The following PPOX variants were observed in gnomAD, a reference collection of about 807,000 sequenced individuals.
PPOX encodes the protein variegate porphyria.
PPOX carries 23 observed loss-of-function variants against 54.1 expected under a neutral mutation model. That is an observed-to-expected ratio of 0.43 (90% confidence interval 0.31 to 0.60). PPOX has a LOEUF of 0.60. PPOX is among the 20% of genes least tolerant of loss of function. PPOX has a pLI of 0.13. For synonymous variants in PPOX, 224 were observed against 236.1 expected (o/e 0.95, Z 0.47); for missense variants, 512 against 601.1 (o/e 0.85, Z 1.55).
At chr1:161,177,171 T>C, downstream of PPOX, 1 of 1,192,760 alleles carries the variant, frequency 8.4e-7, no homozygotes, top group Non-Finnish European at 1.2e-6. Flanking sequence ...AGGGCTCACC[T>C]AGAGGGGCGT....
At chr1:161,173,682 A>G (rs1377130798), downstream of PPOX, 3 of 1,614,080 alleles carry the variant, frequency 1.9e-6, no homozygotes, top group Non-Finnish European at 2.5e-6. Context: ...GGTACTGGTC[A>G]GGAGTAAGTG....
chr1:161,170,320 G>GGGGGGGGGGGCCCC, intron 9 of PPOX, 89 bp from the exon 10 acceptor site: 3 of 494,780 alleles, frequency 6.1e-6, no homozygotes, highest in Non-Finnish European at 7.9e-6. Flanking sequence ...GTGAGACTCT[G>GGGGGGGGGGGCCCC]TCCCCCCCAC....
intron 9 of PPOX, 89 bp from the exon 10 acceptor site, chr1:161,170,320 G>GGGGGGCCCC: frequency 2.0e-6 from 1 of 494,790 alleles, no homozygotes; most frequent in East Asian, 5.4e-5. Flanking sequence ...GTGAGACTCT[G>GGGGGGCCCC]TCCCCCCCAC....
upstream of PPOX, chr1:161,166,230 T>C (rs1028227108): frequency 1.0e-6 from 1 of 966,298 alleles, no homozygotes; most frequent in Non-Finnish European, 1.2e-6. Context: ...GCCTCGGTCC[T>C]GAGGAGGGCA....
In PPOX at chr1:161,167,148, G is replaced by C; in HGVS notation, c.136G>C (p.Val46Leu). The change falls in exon 3 of 13, where the codon GTT becomes CTT. Residue 46 changes from valine to leucine, a missense_variant. Val to Leu is a conservative substitution (Grantham distance 32, BLOSUM62 1). Coordinates refer to ENST00000367999, the MANE Select transcript of PPOX (RefSeq NM_001122764.3). Reference sequence around the variant, plus strand: ...GCGTCTGGGAGGCTGGATTCGCTCCGTTCGAGGCCCTAATGGTGCTATCTT... The same window carrying C: ...GCGTCTGGGAGGCTGGATTCGCTCCCTTCGAGGCCCTAATGGTGCTATCTT... ...SERLGGWIRS[V>L]RGPNGAIFEL... 1.2e-6 allele frequency: 2 copies of C among 1,614,154 alleles called. No individual in the cohort carries two copies. Among genetic ancestry groups the C allele is most frequent in the Non-Finnish European group, 1.7e-6 (2 of 1,180,034 alleles).
chr1:161,170,355 GAC>G (rs1660857160), intron 9 of PPOX, 52 bp from the exon 10 acceptor site: 2 of 1,079,012 alleles, frequency 1.9e-6, no homozygotes, highest in Non-Finnish European at 2.7e-6. Context: ...GGGAAGGAGA[GAC>G]AGCCTCAGCT....
chr1:161,171,910 T>C, downstream of PPOX: 1 of 1,614,142 alleles, frequency 6.2e-7, no homozygotes, highest in Non-Finnish European at 8.5e-7. Flanking sequence ...ACGGAAGGCT[T>C]GGGAGGAACC....
chr1:161,167,261 G>A (rs1186572505), intron 3 of PPOX, 27 bp downstream of exon 3: 21 of 1,614,058 alleles, frequency 1.3e-5, no homozygotes, highest in Non-Finnish European at 1.5e-5. Context: ...ATGTCTAGGA[G>A]AGGTTGTGGA....
rs1285489087 is a variant in PPOX at position 161,169,919 on chromosome 1, G to A, written c.882G>A (p.Leu294=). ...CCTGATCTCTAGTGCTCAGTGAGCTGCTCCCTGCTGAGGCTGCCCCTCTGG... is the reference window on the plus strand; with the variant it reads ...CCTGATCTCTAGTGCTCAGTGAGCTACTCCCTGCTGAGGCTGCCCCTCTGG... ...SAIPASVLSE[L]LPAEAAPLAR... Residue 294 remains leucine, a synonymous_variant, in exon 9 of 13, where the codon CTG becomes CTA. Coordinates refer to ENST00000367999, the MANE Select transcript of PPOX (RefSeq NM_001122764.3). 6.2e-6 allele frequency: 10 copies of A among 1,614,082 alleles called. No homozygotes were observed. The highest frequency in any genetic ancestry group is 1.6e-4 in the Middle Eastern group (1 of 6,084).
chr1:161,175,670 A>C (rs1571520110), downstream of PPOX: 1 of 1,315,626 alleles, frequency 7.6e-7, no homozygotes, highest in Non-Finnish European at 1.1e-6. Flanking sequence ...CTCTATCTCA[A>C]CCTCAGCCTA....
chr1:161,168,013 A>G lies in PPOX; in HGVS notation c.357A>G (p.Ser119=). Residue 119 remains serine (S), a synonymous_variant, in exon 5 of 13, where the codon TCA becomes TCG. Coordinates refer to ENST00000367999, the MANE Select transcript of PPOX (RefSeq NM_001122764.3). Reference sequence around the variant, plus strand: ...CATGCAGGGGGCTACTCCGCCCTTCACCCCCCTTCTCCAAACCTCTGTTTT... The same window carrying G: ...CATGCAGGGGGCTACTCCGCCCTTCGCCCCCCTTCTCCAAACCTCTGTTTT... The part of the protein sequence containing the change: ...PTGLRGLLRP[S]PPFSKPLFWA... 2.5e-6 allele frequency: 4 copies of G among 1,613,240 alleles called. No homozygotes were observed. The highest frequency in any genetic ancestry group is 3.4e-6 in the Non-Finnish European group (4 of 1,179,830).
At chr1:161,173,852 C>A (rs1463362240), downstream of PPOX, 1 of 1,613,130 alleles carries the variant, frequency 6.2e-7, no homozygotes, top group Non-Finnish European at 8.5e-7. Context: ...CCTTCCATGC[C>A]CTCTACCTGT....
At chr1:161,176,161 A>G, downstream of PPOX, 1 of 1,403,690 alleles carries the variant, frequency 7.1e-7, no homozygotes, top group Non-Finnish European at 9.7e-7. Context: ...AGGTGATGCC[A>G]GGGGTAAAGA....
At chr1:161,176,172 G>A, downstream of PPOX, 2 of 1,342,176 alleles carry the variant, frequency 1.5e-6, no homozygotes, top group African/African-American at 1.5e-5. Flanking sequence ...GGGGTAAAGA[G>A]GAAAAAGCAG....
At chr1:161,170,278 T>C in intron 9 of PPOX, 131 bp from the exon 10 acceptor site, 1 of 887,786 alleles carries the variant, frequency 1.1e-6, no homozygotes. Flanking sequence ...TGAGCTGAGA[T>C]CTCGCCATTA....
chr1:161,166,781 G>C (rs1283777168), intron 1 of PPOX, 59 bp from the exon 2 acceptor site: 1 of 1,600,938 alleles, frequency 6.2e-7, no homozygotes, highest in Non-Finnish European at 8.5e-7. Context: ...AAACCGGCGG[G>C]GCTTCTGGAG....
chr1:161,166,921 C>T lies in PPOX; in HGVS notation c.74C>T (p.Pro25Leu). ...GCCAGTTACCACCTGAGCCGGGCCC[C>T]CTGCCCCCCTAAGGTGAGTGCTCCA... Reference protein sequence around the residue: ...LAASYHLSRAPCPPKVVLVES... With the variant: ...LAASYHLSRALCPPKVVLVES... The change falls in exon 2 of 13, where the codon CCC becomes CTC. Residue 25 changes from proline to leucine, a missense_variant. Physicochemically the swap from Pro to Leu is moderately conservative, Grantham distance 98 (BLOSUM62 -3). Transcript: ENST00000367999. 1 of 1,613,964 alleles carries T rather than the reference C, an allele frequency of 6.2e-7. No homozygotes were observed. The highest frequency in any genetic ancestry group is 8.5e-7 in the Non-Finnish European group (1 of 1,180,016).
intron 6 of PPOX, among the ~76,000 whole-genome samples, 181 bp from the exon 7 acceptor site, chr1:161,168,812 G>A (rs1660059240): frequency 6.6e-6 from 1 of 152,088 alleles, no homozygotes; most frequent in African/African-American, 2.4e-5. Flanking sequence ...ACAAACATGT[G>A]CCACCACTCC....
In PPOX at chr1:161,170,410, G is replaced by C. The variant is rs1011625612; in HGVS notation, c.989G>C (p.Gly330Ala). 1 of 1,608,984 alleles carries C rather than the reference G, an allele frequency of 6.2e-7. No individual in the cohort carries two copies. The highest frequency in any genetic ancestry group is 8.5e-7 in the Non-Finnish European group (1 of 1,177,580). The change falls in exon 10 of 13, where the codon GGA becomes GCA. Residue 330 changes from glycine (G) to alanine (A), a missense_variant and splice_region_variant. Coordinates refer to ENST00000367999, the MANE Select transcript of PPOX (RefSeq NM_001122764.3). Reference protein sequence around the residue: ...QYQGAHLPVQGFGHLVPSSED... With the variant: ...QYQGAHLPVQAFGHLVPSSED... ...ACGCATGAATGTCCTTCTCTCCAGGGATTTGGACATTTGGTGCCATCTTCA... is the reference window on the plus strand; with the variant it reads ...ACGCATGAATGTCCTTCTCTCCAGGCATTTGGACATTTGGTGCCATCTTCA...
Sources: gnomAD v4.1 joint callset for allele counts (sites outside exome capture counted in the v4.1 genomes callset) on GRCh38, gnomAD v4.1.1 for gene constraint, MANE v1.5 for transcripts, NCBI Gene and HGNC (gene_info 2026-07-23, HGNC 2026-07-21) for gene names.